Variants in PTPRO observed in about 807,000 individuals in gnomAD.
PTPRO encodes the protein receptor-type tyrosine-protein phosphatase O.
A neutral mutation model predicts 145.2 loss-of-function variants in PTPRO; 62 were observed. The ratio of observed to expected loss-of-function variants is 0.43; its 90% CI spans 0.35 to 0.53. The LOEUF (loss-of-function observed/expected upper bound fraction) is 0.53, where lower values mean the gene tolerates loss of function less well. PTPRO is among the 20% of genes least tolerant of loss of function. PTPRO has a pLI of 0.01. For synonymous variants in PTPRO, 565 were observed against 514.7 expected (o/e 1.10, Z -1.32); for missense variants, 1,345 against 1,482.7 (o/e 0.91, Z 1.53).
chr12:15,458,773 T>A (rs964608406), intron 1 of PTPRO, among the ~76,000 whole-genome samples: 2 of 152,102 alleles, frequency 1.3e-5, no homozygotes, highest in African/African-American at 4.8e-5. Flanking sequence ...TCATTGAGCA[T>A]CTTTCTGATG....
chr12:15,331,204 T>A (rs1314564939), intron 1 of PTPRO, among the ~76,000 whole-genome samples: 1 of 152,020 alleles, frequency 6.6e-6, no homozygotes, highest in Non-Finnish European at 1.5e-5. Context: ...ATCTAGGAAA[T>A]TTCAAGTGGA....
intron 1 of PTPRO, among the ~76,000 whole-genome samples, chr12:15,366,876 A>C (rs564044144): frequency 2.0e-5 from 3 of 152,304 alleles, no homozygotes; most frequent in Admixed American, 1.3e-4. Context: ...GACTATTTTA[A>C]TTAATCAATT....
rs540004806 is a variant in PTPRO at position 15,463,416 on chromosome 12, A to AT, written c.76-20551dup. 7.0e-4 allele frequency among the ~76,000 whole-genome samples: 107 copies of AT among 152,300 alleles called. 1 individual carries two copies. Among genetic ancestry groups the AT allele is most frequent in the East Asian group, 5.8e-4 (3 of 5,190 alleles). ...ATGATTTATTAAAGTTTTATCTATG[A>AT]TTTTTTTAAGAATGCATTCTCTGCA... On this transcript the variant is annotated intron_variant, in intron 1 of 26. Transcript: ENST00000281171.
At chr12:15,451,502 A>T (rs1430704631) in intron 1 of PTPRO, among the ~76,000 whole-genome samples, 1 of 152,152 alleles carries the variant, frequency 6.6e-6, no homozygotes, top group Non-Finnish European at 1.5e-5. Context: ...GGACTTAACA[A>T]ATATTTACAG....
chr12:15,385,353 G>A (rs1038615654), intron 1 of PTPRO, among the ~76,000 whole-genome samples: 6 of 152,034 alleles, frequency 3.9e-5, no homozygotes, highest in South Asian at 2.1e-4. Context: ...GGGCAACTAC[G>A]GATTCAGACA....
intron 1 of PTPRO, among the ~76,000 whole-genome samples, chr12:15,480,824 T>C (rs571011788): frequency 6.6e-6 from 1 of 152,264 alleles, no homozygotes; most frequent in East Asian, 1.9e-4. Context: ...GACAGATAGA[T>C]AGATAGACAT....
In PTPRO at chr12:15,322,656, TCGC is replaced by T. The variant is rs1323168087; in HGVS notation, c.-69_-67del. Reference sequence around the variant, plus strand: ...CAGGGTCTGAGGCTGCAGCCCCAGTTCGCCATTGTGAGCCGCCGCCGGGGGAGT... The same window carrying T: ...CAGGGTCTGAGGCTGCAGCCCCAGTTCATTGTGAGCCGCCGCCGGGGGAGT... On this transcript the variant is annotated 5_prime_UTR_variant, in exon 1 of 27. Transcript: ENST00000281171. The surrounding 1 kb of genome is among the most constrained non-coding windows in gnomAD (Gnocchi z 6.3). The T allele has an allele frequency of 1.5e-6, 2 of 1,329,688 alleles. No homozygotes were observed. Among genetic ancestry groups the T allele is most frequent in the Non-Finnish European group, 2.1e-6 (2 of 943,988 alleles). The allele number at this position is 1,329,688 out of a possible 1,614,324, so 82.4% of individuals were successfully genotyped here.
At chr12:15,423,743 A>G (rs907617308) in intron 1 of PTPRO, among the ~76,000 whole-genome samples, 2 of 152,222 alleles carry the variant, frequency 1.3e-5, no homozygotes, top group African/African-American at 4.8e-5. Flanking sequence ...TGATGCTGAG[A>G]AACACAAGTA....
intron 12 of PTPRO, among the ~76,000 whole-genome samples, chr12:15,531,052 T>C (rs1032194236): frequency 6.6e-6 from 1 of 151,966 alleles, no homozygotes; most frequent in African/African-American, 2.4e-5. Flanking sequence ...AGAGACCTCA[T>C]AAATACAAAG....
intron 5 of PTPRO, 22 bp downstream of exon 5, chr12:15,502,085 G>A (rs1942233565): frequency 6.3e-7 from 1 of 1,579,348 alleles, no homozygotes; most frequent in African/African-American, 1.4e-5. Context: ...GGAAATCAGA[G>A]GAAATAAGAA....
intron 3 of PTPRO, 123 bp from the exon 4 acceptor site, chr12:15,499,319 C>G: frequency 1.0e-6 from 1 of 963,800 alleles, no homozygotes; most frequent in Non-Finnish European, 1.6e-6. Flanking sequence ...TTATTACTGC[C>G]CATAACAGTA....
intron 1 of PTPRO, among the ~76,000 whole-genome samples, chr12:15,342,944 T>C (rs1867054563): frequency 6.6e-6 from 1 of 152,162 alleles, no homozygotes; most frequent in Non-Finnish European, 1.5e-5. Flanking sequence ...AGAATAATTG[T>C]GTGTGAAGGT....
At chr12:15,338,990 T>C (rs1328751203) in intron 1 of PTPRO, among the ~76,000 whole-genome samples, 1 of 152,036 alleles carries the variant, frequency 6.6e-6, no homozygotes, top group African/African-American at 2.4e-5. Context: ...ATAACAAACA[T>C]GTAAGAAGCT....
At chr12:15,441,012 A>G (rs1402335403) in intron 1 of PTPRO, among the ~76,000 whole-genome samples, 1 of 152,172 alleles carries the variant, frequency 6.6e-6, no homozygotes, top group Non-Finnish European at 1.5e-5. Context: ...GACCAACTAG[A>G]CCTAATGAAG....
chr12:15,346,209 G>A (rs1489429233), intron 1 of PTPRO, among the ~76,000 whole-genome samples: 1 of 152,046 alleles, frequency 6.6e-6, no homozygotes, highest in Non-Finnish European at 1.5e-5. Context: ...CCAACTATCT[G>A]CTAAATTTTT....
rs555440132 is a variant in PTPRO, at chr12:15,399,966, G to A, written c.75+77165G>A. ...CTCAGGAGGCTGAGGCAGGAGAATC[G>A]CTTGAACCCAGGAGGTGGAGGTTGC... On this transcript the variant is annotated intron_variant, in intron 1 of 26. Coordinates refer to ENST00000281171, the MANE Select transcript of PTPRO (RefSeq NM_030667.3). 8.1e-4 allele frequency among the ~76,000 whole-genome samples: 120 copies of A among 147,666 alleles called. No individual in the cohort carries two copies. The Middle Eastern group carries it at 0.017, about 21-fold the overall frequency.
At chr12:15,416,110 C>T (rs1227667803) in intron 1 of PTPRO, among the ~76,000 whole-genome samples, 3 of 151,648 alleles carry the variant, frequency 2.0e-5, no homozygotes, top group Non-Finnish European at 4.4e-5. Context: ...GCCTCTTCTG[C>T]ACCTAGGAGA....
chr12:15,395,817 A>G (rs1464024619), intron 1 of PTPRO, among the ~76,000 whole-genome samples: 1 of 151,636 alleles, frequency 6.6e-6, no homozygotes, highest in African/African-American at 2.4e-5. Context: ...GATCACACAC[A>G]CACACACACA....
Position 15,513,236 on chromosome 12 carries a change from AAG to A in PTPRO, c.1465-2259_1465-2258del, listed in dbSNP as rs1491431821. ...AAGAAAGAAAGAAAGAAAAGAAAGA[AAG>A]AGGGAGGGAGGGAGAGAGGGAGGGG... is the stretch of plus-strand genomic sequence containing the variant. On this transcript the variant is annotated intron_variant, in intron 7 of 26. Coordinates refer to ENST00000281171, the MANE Select transcript of PTPRO (RefSeq NM_030667.3). 6.7e-5 allele frequency among the ~76,000 whole-genome samples: 9 copies of A among 134,082 alleles called. 1 individual carries two copies. Among genetic ancestry groups the A allele is most frequent in the Admixed American group, 1.5e-4 (2 of 13,240 alleles). The allele number at this position is 134,082 out of a possible 152,430, so 88.0% of individuals were successfully genotyped here. A position where few individuals can be genotyped will look rare whatever the true frequency, so the allele number is the denominator to read the frequency against.
Sources: gnomAD v4.1 joint callset for allele counts (sites outside exome capture counted in the v4.1 genomes callset) on GRCh38, gnomAD v4.1.1 for gene constraint, Gnocchi (gnomAD v3.1) non-coding constraint, MANE v1.5 for transcripts, NCBI Gene and HGNC (gene_info 2026-07-23, HGNC 2026-07-21) for gene names.